EMB: variants seen among roughly 807,000 people sequenced by gnomAD.
The protein encoded by EMB is embigin homolog.
A neutral mutation model predicts 41.4 loss-of-function variants in EMB; 31 were observed. The ratio of observed to expected loss-of-function variants is 0.75; its 90% CI spans 0.56 to 1.01. EMB has a LOEUF of 1.01. Ranked by LOEUF, EMB falls within the 50% of genes least tolerant of loss-of-function variation. The pLI, the probability that EMB is intolerant of heterozygous loss-of-function variation, is 0.00. For missense variants in EMB, 379 were observed against 388.3 expected, an observed-to-expected ratio of 0.98 and a Z score of 0.20; for synonymous variants, 137 against 140.4, an observed-to-expected ratio of 0.98 and a Z score of 0.17.
chr5:50,411,135 C>T (rs1745329336), intron 3 of EMB, 62 bp downstream of exon 3: 1 of 1,445,216 alleles, frequency 6.9e-7, no homozygotes, highest in African/African-American at 1.4e-5. Flanking sequence ...GCTCAGTCAG[C>T]AAAAATATTT....
chr5:50,405,744 C>T lies in EMB; in HGVS notation c.581G>A (p.Ser194Asn), dbSNP rs1338163775. The change falls in exon 5 of 9, where the codon AGT becomes AAT. Residue 194 changes from serine to asparagine, a missense_variant. Ser to Asn is a conservative substitution (Grantham distance 46). Transcript: ENST00000303221. ...NCFPLNWTWY[S>N]SNGSVKVPVG... Reference sequence around the variant, plus strand: ...TCTTACCTTTACACTCCCATTACTACTGTACCAGGTCCAATTTAAAGGAAA... The same window carrying T: ...TCTTACCTTTACACTCCCATTACTATTGTACCAGGTCCAATTTAAAGGAAA... 2 of 1,603,326 alleles carry T rather than the reference C, an allele frequency of 1.2e-6. No individual in the cohort carries two copies. Among genetic ancestry groups the T allele is most frequent in the Non-Finnish European group, 8.5e-7 (1 of 1,175,268 alleles).
chr5:50,440,890 C>G, intron 1 of EMB, 150 bp downstream of exon 1: 1 of 467,484 alleles, frequency 2.1e-6, no homozygotes, highest in Non-Finnish European at 3.6e-6. Context: ...AATGGGAGGC[C>G]GCCGCCGACT....
chr5:50,427,365 A>G (rs991009153), intron 2 of EMB, among the ~76,000 whole-genome samples: 1 of 152,076 alleles, frequency 6.6e-6, no homozygotes, highest in Non-Finnish European at 1.5e-5. Context: ...AAACTTTTTG[A>G]TGGGAAGGCA....
chr5:50,416,408 T>C (rs1468101199), intron 2 of EMB, among the ~76,000 whole-genome samples: 1 of 152,206 alleles, frequency 6.6e-6, no homozygotes, highest in Admixed American at 6.5e-5. Context: ...CTTTCAACAA[T>C]TTGCAGTCTT....
chr5:50,423,828 T>C (rs1423452250), intron 2 of EMB, among the ~76,000 whole-genome samples: 3 of 152,192 alleles, frequency 2.0e-5, no homozygotes, highest in Non-Finnish European at 4.4e-5. Flanking sequence ...GATTTGCAGG[T>C]TTAAAAAAAT....
At chr5:50,431,628 TGAG>T (rs1299358502) in intron 1 of EMB, among the ~76,000 whole-genome samples, 1 of 152,042 alleles carries the variant, frequency 6.6e-6, no homozygotes, top group Non-Finnish European at 1.5e-5. Flanking sequence ...GGAAAAAAAA[TGAG>T]GATCAGAAAA....
At chr5:50,406,173 C>T (rs565700359) in intron 4 of EMB, among the ~76,000 whole-genome samples, 3 of 151,906 alleles carry the variant, frequency 2.0e-5, no homozygotes, top group African/African-American at 7.2e-5. Flanking sequence ...AACCCCTGTT[C>T]TTTCTTCCCA....
chr5:50,442,715 A>G (rs1745934888), upstream of EMB, among the ~76,000 whole-genome samples: 3 of 152,198 alleles, frequency 2.0e-5, no homozygotes, highest in Admixed American at 1.3e-4. Context: ...TTGCCTAATC[A>G]ATGGCTGCTA....
chr5:50,412,878 A>G (rs1745365160), intron 2 of EMB, among the ~76,000 whole-genome samples: 1 of 146,058 alleles, frequency 6.8e-6, no homozygotes, highest in African/African-American at 2.5e-5. Context: ...GCAGGTAAGT[A>G]CAAGCTTTTT....
chr5:50,404,752 A>T (rs1451329142), intron 5 of EMB, among the ~76,000 whole-genome samples: 2 of 151,936 alleles, frequency 1.3e-5, no homozygotes, highest in Non-Finnish European at 1.5e-5. Context: ...CTCATCATCC[A>T]TCAGAAGACA....
chr5:50,407,018 G>A (rs1257395339), intron 4 of EMB, among the ~76,000 whole-genome samples: 1 of 151,918 alleles, frequency 6.6e-6, no homozygotes, highest in Non-Finnish European at 1.5e-5. Context: ...GACCTCAACA[G>A]CCCTGTTAGG....
intron 2 of EMB, among the ~76,000 whole-genome samples, chr5:50,415,484 A>C (rs1745414581): frequency 6.6e-6 from 1 of 152,232 alleles, no homozygotes; most frequent in Non-Finnish European, 1.5e-5. Flanking sequence ...GCAATTAATA[A>C]ATGCCCACTT....
chr5:50,434,777 C>A (rs1379839533), intron 1 of EMB, among the ~76,000 whole-genome samples: 5 of 152,132 alleles, frequency 3.3e-5, no homozygotes, highest in Non-Finnish European at 7.4e-5. Flanking sequence ...TTCATAATTT[C>A]TATTCTAACA....
chr5:50,442,514 TAC>T (rs34576878), upstream of EMB, among the ~76,000 whole-genome samples: 24 of 150,830 alleles, frequency 1.6e-4, no homozygotes, highest in South Asian at 6.3e-4. Flanking sequence ...TGCACACATG[TAC>T]ACACACACAC....
rs144748956 is a variant in EMB, at chr5:50,419,945, C to T, written c.196+8199G>A. ...AACACAGGAACAGAAAACCAAATAC[C>T]GCATGTTCTCACTTATAAGTGGGAG... On this transcript the variant is annotated intron_variant, in intron 2 of 8. Transcript: ENST00000303221. Among the ~76,000 whole-genome samples, 356 of 152,168 alleles carry T rather than the reference C, an allele frequency of 2.3e-3. 2 individuals carry two copies. Among genetic ancestry groups the T allele is most frequent in the African/African-American group, 7.8e-3 (325 of 41,510 alleles).
At position 50,428,216 on chromosome 5, in the gene EMB, TA is replaced by T; in HGVS notation, c.123del (p.Phe41LeufsTer10). The T allele has an allele frequency of 6.2e-7, 1 of 1,610,832 alleles. No individual in the cohort carries two copies. The highest frequency in any genetic ancestry group is 8.5e-7 in the Non-Finnish European group (1 of 1,177,246). On this transcript the variant is annotated frameshift_variant, in exon 2 of 9. Coordinates refer to ENST00000303221, the MANE Select transcript of EMB (RefSeq NM_198449.3). LOFTEE classifies it high-confidence loss of function. ...SADGSAPDSP[F>X]TSPPLREEIM... ...ATTTCTTCTCTGAGAGGTGGACTTG[TA>T]AAAGGCGAATCTATAAGAGAAAGAA...
intron 1 of EMB, among the ~76,000 whole-genome samples, chr5:50,432,499 ACCATGTGATC>A (rs1159497260): frequency 6.6e-6 from 1 of 152,084 alleles, no homozygotes; most frequent in South Asian, 2.1e-4. Context: ...GTTATATATA[ACCATGTGATC>A]CCATGCCAAA....
intron 2 of EMB, among the ~76,000 whole-genome samples, chr5:50,412,446 G>C (rs1443194730): frequency 1.3e-5 from 2 of 152,090 alleles, no homozygotes; most frequent in Non-Finnish European, 2.9e-5. Context: ...AGGGAGAATG[G>C]AGTCATCACT....
chr5:50,417,340 A>G (rs1215322238), intron 2 of EMB, among the ~76,000 whole-genome samples: 1 of 152,230 alleles, frequency 6.6e-6, no homozygotes, highest in Non-Finnish European at 1.5e-5. Flanking sequence ...TAACTTATGA[A>G]TAAGAATAAA....
Sources: gnomAD v4.1 joint callset for allele counts (sites outside exome capture counted in the v4.1 genomes callset) on GRCh38, gnomAD v4.1.1 for gene constraint, MANE v1.5 for transcripts, NCBI Gene and HGNC (gene_info 2026-07-23, HGNC 2026-07-21) for gene names.